SIK3: variants seen among roughly 807,000 people sequenced by gnomAD.
SIK3 encodes the protein serine/threonine-protein kinase SIK3.
Under a neutral mutation model 144.2 loss-of-function variants are expected in SIK3, and 28 were observed. That is an observed-to-expected ratio of 0.19 (90% CI 0.14 to 0.27). The LOEUF is 0.27. Ranked by LOEUF, SIK3 falls within the 10% of genes least tolerant of loss-of-function variation. The probability of loss-of-function intolerance (pLI) is 1.00; values close to 1 mark genes in which losing one functional copy is unlikely to be tolerated. For missense variants in SIK3, 1,319 were observed against 1,776.0 expected (o/e 0.74, Z 4.62); for synonymous variants, 686 against 676.3 (o/e 1.01, Z -0.22).
At chr11:116,926,179 T>C (rs544903195) in intron 4 of SIK3, among the ~76,000 whole-genome samples, 31 of 152,356 alleles carry the variant, frequency 2.0e-4, no homozygotes, top group Non-Finnish European at 3.8e-4. Context: ...AGCTATATTT[T>C]AGTTTTCTAT....
chr11:116,870,187 G>A, intron 14 of SIK3, 144 bp downstream of exon 14: 1 of 1,542,978 alleles, frequency 6.5e-7, no homozygotes, highest in Middle Eastern at 1.7e-4. Flanking sequence ...CATGTGGGGT[G>A]GAACATGCCA....
chr11:117,040,844 T>C (rs932412804), intron 1 of SIK3, among the ~76,000 whole-genome samples: 10 of 152,120 alleles, frequency 6.6e-5, no homozygotes, highest in Non-Finnish European at 1.5e-4. Context: ...TCATTGTATA[T>C]ATTTAAGGTA....
chr11:116,935,270 AATT>A (rs1451599592), intron 3 of SIK3, among the ~76,000 whole-genome samples: 5 of 151,330 alleles, frequency 3.3e-5, no homozygotes, highest in South Asian at 2.1e-4. Flanking sequence ...AATAATGATA[AATT>A]ATTATTAATT....
chr11:116,915,618 T>A (rs1265860018), intron 4 of SIK3, among the ~76,000 whole-genome samples: 1 of 152,196 alleles, frequency 6.6e-6, no homozygotes, highest in Non-Finnish European at 1.5e-5. Flanking sequence ...ATACATGTGG[T>A]ATATACATAT....
chr11:116,893,239 AT>A (rs1945222796), intron 6 of SIK3, among the ~76,000 whole-genome samples: 1 of 152,188 alleles, frequency 6.6e-6, no homozygotes, highest in African/African-American at 2.4e-5. Context: ...ATGTTCATTG[AT>A]TGTAACAAAC....
intron 1 of SIK3, among the ~76,000 whole-genome samples, chr11:116,967,291 A>T (rs142494659): frequency 3.0e-4 from 46 of 152,306 alleles, no homozygotes; most frequent in African/African-American, 1.1e-3. Context: ...TAGATGTAGA[A>T]CCTAGAACGC....
rs533629651 is a variant in SIK3 at position 116,844,619 on chromosome 11, A to ATATATATATAATATATTATATTATATAT, written c.*996_*1023dup. Reference sequence around the variant, plus strand: ...ATTTTATATATATATTATATATATAATATATATATAATATATTATATTATA... The same window carrying ATATATATATAATATATTATATTATATAT: ...ATTTTATATATATATTATATATATAATATATATATAATATATTATATTATATATTATATATATAATATATTATATTATA... On this transcript the variant is annotated 3_prime_UTR_variant, in exon 25 of 25. Coordinates refer to ENST00000445177, the MANE Select transcript of SIK3 (RefSeq NM_001366686.3). 1.0e-3 allele frequency: 42 copies of ATATATATATAATATATTATATTATATAT among 40,414 alleles called. No individual in the cohort carries two copies. Among genetic ancestry groups the ATATATATATAATATATTATATTATATAT allele is most frequent in the Middle Eastern group, 7.8e-3 (1 of 128 alleles). The allele number at this position is 40,414 out of a possible 1,614,324, so 2.5% of individuals were successfully genotyped here.
chr11:116,951,452 T>C lies in SIK3; in HGVS notation c.454+2592A>G, dbSNP rs117081457. On this transcript the variant is annotated intron_variant, in intron 3 of 24. Coordinates refer to ENST00000445177, the MANE Select transcript of SIK3 (RefSeq NM_001366686.3). ...ATATTACATAATATGTGTTACAATA[T>C]ATAATTATAGGTTGGTGCAAAAGTA... Among the ~76,000 whole-genome samples the C allele has an allele frequency of 4.1e-3, 617 of 152,300 alleles. 3 individuals carry two copies. The highest frequency in any genetic ancestry group is 0.017 in the Middle Eastern group (5 of 294).
chr11:116,903,445 T>C (rs984217256), intron 4 of SIK3, among the ~76,000 whole-genome samples: 6 of 152,040 alleles, frequency 3.9e-5, no homozygotes, highest in Non-Finnish European at 5.9e-5. Context: ...TCTACATGTA[T>C]AGACAACTGG....
At chr11:117,082,276 T>C (rs1954822383) in intron 1 of SIK3, among the ~76,000 whole-genome samples, 1 of 152,202 alleles carries the variant, frequency 6.6e-6, no homozygotes, top group Non-Finnish European at 1.5e-5. Flanking sequence ...ATTCCACTCC[T>C]AGGTATATGC....
intron 21 of SIK3, among the ~76,000 whole-genome samples, chr11:116,856,013 C>G (rs1040287502): frequency 6.6e-6 from 1 of 151,874 alleles, no homozygotes; most frequent in East Asian, 1.9e-4. Context: ...CTGGCTAACA[C>G]GGTGAAACCC....
chr11:116,926,983 T>G (rs1449603173), intron 4 of SIK3, among the ~76,000 whole-genome samples: 1 of 144,482 alleles, frequency 6.9e-6, no homozygotes, highest in Non-Finnish European at 1.5e-5. Flanking sequence ...ACTGCACCAC[T>G]GCACTCCAGC....
chr11:116,958,750 T>A (rs1001664424), intron 1 of SIK3, among the ~76,000 whole-genome samples: 2 of 152,196 alleles, frequency 1.3e-5, no homozygotes, highest in Non-Finnish European at 2.9e-5. Context: ...CTTGGTTTCC[T>A]GTAAGAAGTC....
intron 1 of SIK3, among the ~76,000 whole-genome samples, chr11:116,971,545 ATT>A (rs915484534): frequency 2.0e-5 from 3 of 152,188 alleles, no homozygotes; most frequent in East Asian, 3.8e-4. Context: ...AAGGCACTAA[ATT>A]TTTTTGTTAC....
intron 1 of SIK3, among the ~76,000 whole-genome samples, chr11:117,070,953 C>G (rs956922304): frequency 2.6e-5 from 4 of 151,286 alleles, no homozygotes; most frequent in African/African-American, 9.7e-5. Flanking sequence ...GGGGTTTCAC[C>G]ATGTTGGCCA....
At chr11:116,932,283 G>T (rs1400057922) in intron 3 of SIK3, among the ~76,000 whole-genome samples, 1 of 152,136 alleles carries the variant, frequency 6.6e-6, no homozygotes, top group Non-Finnish European at 1.5e-5. Context: ...TTTTTATTTT[G>T]AGATAATTAT....
chr11:116,845,808 G>C (rs1302975328), intron 24 of SIK3, among the ~76,000 whole-genome samples, 179 bp from the exon 25 acceptor site: 1 of 152,184 alleles, frequency 6.6e-6, no homozygotes, highest in Non-Finnish European at 1.5e-5. Flanking sequence ...GGCCTCTTCT[G>C]TCAAGGATTT....
intron 1 of SIK3, among the ~76,000 whole-genome samples, chr11:116,991,012 A>T (rs1295262070): frequency 6.6e-6 from 1 of 152,206 alleles, no homozygotes; most frequent in Non-Finnish European, 1.5e-5. Context: ...AATCCTCACA[A>T]CAGTTCTTTC....
At chr11:116,953,785 T>C (rs539832094) in intron 3 of SIK3, among the ~76,000 whole-genome samples, 1 of 152,354 alleles carries the variant, frequency 6.6e-6, no homozygotes, top group South Asian at 2.1e-4. Flanking sequence ...AAAGGATGCT[T>C]GTTTTTGGAG....
Sources: gnomAD v4.1 joint callset for allele counts (sites outside exome capture counted in the v4.1 genomes callset) on GRCh38, gnomAD v4.1.1 for gene constraint, MANE v1.5 for transcripts, NCBI Gene and HGNC (gene_info 2026-07-23, HGNC 2026-07-21) for gene names.